Variants in CACNA2D3 observed in about 807,000 individuals in gnomAD.
The protein encoded by CACNA2D3 is voltage-dependent calcium channel subunit alpha-2/delta-3.
A neutral mutation model predicts 160.6 loss-of-function variants in CACNA2D3; 60 were observed. The ratio of observed to expected loss-of-function variants is 0.37; its 90% CI spans 0.30 to 0.46. The LOEUF (loss-of-function observed/expected upper bound fraction) is 0.46, where lower values mean the gene tolerates loss of function less well. Among genes scored for constraint, CACNA2D3 ranks in the 20% least tolerant of loss-of-function variants. The pLI is 1.00. For synonymous variants in CACNA2D3, 558 were observed against 492.9 expected (o/e 1.13, Z -1.75); for missense variants, 1,205 against 1,365.0 (o/e 0.88, Z 1.85).
intron 11 of CACNA2D3, among the ~76,000 whole-genome samples, chr3:54,744,013 G>A (rs1488193999): frequency 6.6e-6 from 1 of 152,122 alleles, no homozygotes; most frequent in Non-Finnish European, 1.5e-5. Context: ...TTTACATGTG[G>A]TCATGCAAAG....
chr3:54,953,458 C>A (rs1397296949), intron 27 of CACNA2D3, among the ~76,000 whole-genome samples: 2 of 152,138 alleles, frequency 1.3e-5, no homozygotes, highest in Non-Finnish European at 2.9e-5. Context: ...TAGCACTGGG[C>A]CAAGATCATG....
chr3:54,688,979 CAAAAAAAAAAAAAAAA>C (rs1162900126), intron 11 of CACNA2D3, among the ~76,000 whole-genome samples: 1 of 31,440 alleles, frequency 3.2e-5, no homozygotes, highest in African/African-American at 1.1e-4. Flanking sequence ...GAGACTGTCT[CAAAAAAAAAAAAAAAA>C]AAAAAAAAAA....
chr3:54,224,607 A>G (rs79953370), intron 2 of CACNA2D3, among the ~76,000 whole-genome samples: 3,125 of 152,324 alleles, frequency 0.021, 40 homozygotes, highest in Middle Eastern at 0.051. Context: ...GTTGCTATGC[A>G]GGGCATGACT....
intron 17 of CACNA2D3, among the ~76,000 whole-genome samples, chr3:54,863,688 T>C (rs1699341574): frequency 2.0e-5 from 3 of 151,266 alleles, no homozygotes; most frequent in Non-Finnish European, 4.4e-5. Flanking sequence ...GTCATTCAGG[T>C]TTTCAAAGCA....
intron 2 of CACNA2D3, among the ~76,000 whole-genome samples, chr3:54,260,818 G>A (rs1702388680): frequency 6.6e-6 from 1 of 151,966 alleles, no homozygotes; most frequent in Non-Finnish European, 1.5e-5. Flanking sequence ...TGCACACCTG[G>A]CTCATCACTC....
intron 9 of CACNA2D3, among the ~76,000 whole-genome samples, chr3:54,616,721 A>T (rs1340604866): frequency 6.6e-6 from 1 of 152,208 alleles, no homozygotes; most frequent in Non-Finnish European, 1.5e-5. Context: ...TGGCAAAAAA[A>T]CTTTTTTAGA....
chr3:54,782,881 G>T (rs908920574), intron 13 of CACNA2D3, among the ~76,000 whole-genome samples: 1 of 152,148 alleles, frequency 6.6e-6, no homozygotes, highest in African/African-American at 2.4e-5. Flanking sequence ...GGTGTCATCT[G>T]AGTAGCACAG....
intron 2 of CACNA2D3, among the ~76,000 whole-genome samples, chr3:54,250,006 G>A (rs1702156213): frequency 6.6e-6 from 1 of 152,116 alleles, no homozygotes; most frequent in Admixed American, 6.5e-5. Context: ...GTTCCCCAGA[G>A]AACACTGTTT....
At chr3:54,522,941 C>CTTACT (rs1701669467) in intron 5 of CACNA2D3, among the ~76,000 whole-genome samples, 1 of 144,406 alleles carries the variant, frequency 6.9e-6, no homozygotes, top group Admixed American at 7.0e-5. Flanking sequence ...TATTTACTTA[C>CTTACT]TTACTTACTT....
chr3:55,051,942 C>T (rs540744593), intron 35 of CACNA2D3, among the ~76,000 whole-genome samples: 1 of 152,194 alleles, frequency 6.6e-6, no homozygotes, highest in African/African-American at 2.4e-5. Flanking sequence ...CCAAGTGAGG[C>T]AATGCCTCGC....
chr3:54,895,486 A>G (rs1700167867), intron 25 of CACNA2D3, among the ~76,000 whole-genome samples: 1 of 152,186 alleles, frequency 6.6e-6, no homozygotes, highest in Non-Finnish European at 1.5e-5. Flanking sequence ...GTAGAGGTGA[A>G]GGGAACCCTG....
chr3:54,366,419 T>C (rs973232708), intron 3 of CACNA2D3, among the ~76,000 whole-genome samples: 2 of 152,220 alleles, frequency 1.3e-5, no homozygotes, highest in Admixed American at 6.5e-5. Flanking sequence ...GGGTTTCTTT[T>C]TGAGAATTAA....
chr3:54,245,794 C>T (rs1702062537), intron 2 of CACNA2D3, among the ~76,000 whole-genome samples: 2 of 152,114 alleles, frequency 1.3e-5, no homozygotes, highest in Non-Finnish European at 2.9e-5. Flanking sequence ...TCACCAGTGC[C>T]CCCACCCCTT....
At chr3:55,021,503 A>T (rs553862643) in intron 35 of CACNA2D3, among the ~76,000 whole-genome samples, 1 of 149,746 alleles carries the variant, frequency 6.7e-6, no homozygotes, top group African/African-American at 2.5e-5. Flanking sequence ...TTTGTCTTTG[A>T]TGCTTAGCTT....
chr3:54,888,853 G>T (rs1429431821), intron 24 of CACNA2D3, among the ~76,000 whole-genome samples: 1 of 152,162 alleles, frequency 6.6e-6, no homozygotes, highest in Non-Finnish European at 1.5e-5. Context: ...TTATGTGCCA[G>T]ACTCTGAGCG....
chr3:54,849,340 GT>G (rs1699006193), intron 17 of CACNA2D3, among the ~76,000 whole-genome samples: 1 of 150,704 alleles, frequency 6.6e-6, no homozygotes, highest in African/African-American at 2.5e-5. Flanking sequence ...TGCACAAGTT[GT>G]TTGTTCATCT....
intron 35 of CACNA2D3, among the ~76,000 whole-genome samples, chr3:55,040,877 T>C (rs1459329751): frequency 1.3e-5 from 2 of 152,192 alleles, no homozygotes; most frequent in Non-Finnish European, 2.9e-5. Context: ...ATCGCTTCCA[T>C]TTCCCAATCC....
Position 54,669,481 on chromosome 3 carries a change from C to T in CACNA2D3, c.1167+27240C>T, listed in dbSNP as rs553242395. Among the ~76,000 whole-genome samples, 4 of 152,060 alleles carry T rather than the reference C, an allele frequency of 2.6e-5. No individual in the cohort carries two copies. In the South Asian group the frequency reaches 6.2e-4, roughly 24 times the overall value. ...TTTTCATAAAGTTTGGCAAATGCAG[C>T]CAAAATTGAATTAAAGAGACTTGTG... On this transcript the variant is annotated intron_variant, in intron 11 of 37. Transcript: ENST00000474759.
At chr3:54,590,375 A>C (rs1415726032) in intron 9 of CACNA2D3, among the ~76,000 whole-genome samples, 1 of 152,204 alleles carries the variant, frequency 6.6e-6, no homozygotes, top group Non-Finnish European at 1.5e-5. Context: ...TCTTGAAATG[A>C]CAAGTTTAAT....
Sources: gnomAD v4.1 joint callset for allele counts (sites outside exome capture counted in the v4.1 genomes callset) on GRCh38, gnomAD v4.1.1 for gene constraint, MANE v1.5 for transcripts, NCBI Gene and HGNC (gene_info 2026-07-23, HGNC 2026-07-21) for gene names.